The following USH2A variants were observed in gnomAD, a reference collection of about 807,000 sequenced individuals.
USH2A encodes the protein Usher syndrome 2A (autosomal recessive, mild).
A neutral mutation model predicts 538.9 loss-of-function variants in USH2A; 443 were observed. The ratio of observed to expected loss-of-function variants is 0.82; its 90% confidence interval spans 0.76 to 0.89. USH2A has a LOEUF of 0.89. USH2A is among the 40% of genes least tolerant of loss of function. The probability of loss-of-function intolerance (pLI) is 0.00; values close to 1 mark genes in which losing one functional copy is unlikely to be tolerated. For missense variants in USH2A, 6,633 were observed against 6,324.8 expected, an observed-to-expected ratio of 1.05 and a Z score of -1.65; for synonymous variants, 2,413 against 2,273.5, an observed-to-expected ratio of 1.06 and a Z score of -1.75.
chr1:215,865,941 G>A (rs1168211599), intron 44 of USH2A, among the ~76,000 whole-genome samples: 1 of 152,144 alleles, frequency 6.6e-6, no homozygotes, highest in African/African-American at 2.4e-5. Context: ...CTCTTCTTAA[G>A]CTGTAACCAA....
At chr1:215,885,282 A>G (rs966232839) in intron 41 of USH2A, among the ~76,000 whole-genome samples, 3 of 151,918 alleles carry the variant, frequency 2.0e-5, no homozygotes, top group African/African-American at 7.3e-5. Context: ...ACATATGTTG[A>G]TAGATTTTTT....
chr1:216,369,876 T>C (rs2038668623), intron 3 of USH2A, among the ~76,000 whole-genome samples: 1 of 141,846 alleles, frequency 7.0e-6, no homozygotes, highest in Non-Finnish European at 1.5e-5. Context: ...TGAGCCAAGA[T>C]GGCGCCATTG....
Position 215,838,007 on chromosome 1 carries a change from GAA to G in USH2A, c.9353_9354del (p.Ile3118ThrfsTer11). 2 of 1,613,810 alleles carry G rather than the reference GAA, an allele frequency of 1.2e-6. No homozygotes were observed. The highest frequency in any genetic ancestry group is 1.7e-6 in the Non-Finnish European group (2 of 1,179,756). On this transcript the variant is annotated frameshift_variant, in exon 47 of 72. Coordinates refer to ENST00000307340, the MANE Select transcript of USH2A (RefSeq NM_206933.4). LOFTEE classifies it high-confidence loss of function. ...DTPSDIPTPT[I>X]RGITSRSLQI... ...ATTTTGTACCTTGAAGTGATGCCAC[GAA>G]TTGTGGGTGTTGGTATATCACTTGG...
intron 3 of USH2A, among the ~76,000 whole-genome samples, chr1:216,372,653 A>G (rs2038735954): frequency 6.6e-6 from 1 of 151,946 alleles, no homozygotes. Flanking sequence ...TCTTCTCTCT[A>G]CTGCCAAAAA....
chr1:216,237,551 A>G (rs1287350917), intron 13 of USH2A, among the ~76,000 whole-genome samples: 1 of 151,884 alleles, frequency 6.6e-6, no homozygotes, highest in East Asian at 1.9e-4. Context: ...TTCAGAGTAT[A>G]CATTCTGGAG....
At chr1:215,763,441 G>A (rs1661037306) in intron 56 of USH2A, among the ~76,000 whole-genome samples, 1 of 152,102 alleles carries the variant, frequency 6.6e-6, no homozygotes, top group Non-Finnish European at 1.5e-5. Context: ...CGTTAACTGA[G>A]TGAGGATGTA....
chr1:215,809,975 GC>G (rs1662619976), intron 49 of USH2A, among the ~76,000 whole-genome samples: 1 of 152,126 alleles, frequency 6.6e-6, no homozygotes, highest in Non-Finnish European at 1.5e-5. Flanking sequence ...AGACCACGGG[GC>G]TGAGGACAGA....
chr1:216,384,540 G>C (rs1382702414), intron 3 of USH2A, among the ~76,000 whole-genome samples: 2 of 152,120 alleles, frequency 1.3e-5, no homozygotes, highest in African/African-American at 4.8e-5. Flanking sequence ...ATTTTCTGAA[G>C]ACAGTAGGTC....
Position 215,647,573 on chromosome 1 carries a change from C to T in USH2A, c.14740G>A (p.Glu4914Lys), listed in dbSNP as rs199829169. The T allele has an allele frequency of 2.5e-5, 40 of 1,614,148 alleles. No individual in the cohort carries two copies. The East Asian group carries it at 7.1e-4, about 29-fold the overall frequency. The stretch of plus-strand genomic sequence containing the variant: ...CACTCGGAAGCCGTACTGCCCACCT[C>T]GTTGTGTGCCACCACTCTCAGCTTG... The part of the protein sequence containing the change: ...TYKLRVVAHN[E>K]VGSTASEWIS... Residue 4914 changes from glutamate to lysine, a missense_variant, in exon 67 of 72, where the codon GAG becomes AAG. By Grantham distance (56) the Glu-to-Lys change is moderately conservative. Coordinates refer to ENST00000307340, the MANE Select transcript of USH2A (RefSeq NM_206933.4).
intron 11 of USH2A, among the ~76,000 whole-genome samples, chr1:216,252,435 A>G (rs1006712849): frequency 1.3e-5 from 2 of 152,184 alleles, no homozygotes; most frequent in African/African-American, 4.8e-5. Context: ...TTTGATTTAT[A>G]TTTAATTTCA....
intron 3 of USH2A, among the ~76,000 whole-genome samples, chr1:216,386,158 A>G (rs902740829): frequency 6.6e-6 from 1 of 152,212 alleles, no homozygotes; most frequent in East Asian, 1.9e-4. Context: ...AAATTGCACA[A>G]CAATTATGAA....
chr1:216,381,520 GA>G (rs1459220259), intron 3 of USH2A, among the ~76,000 whole-genome samples: 1 of 152,080 alleles, frequency 6.6e-6, no homozygotes, highest in East Asian at 1.9e-4. Flanking sequence ...ATACTAGGGG[GA>G]AAAGTGGAAA....
Position 215,674,874 on chromosome 1 carries a change from G to C in USH2A, c.13037C>G (p.Pro4346Arg). 6.2e-7 allele frequency: 1 copy of C among 1,614,174 alleles called. No homozygotes were observed. The highest frequency in any genetic ancestry group is 8.5e-7 in the Non-Finnish European group (1 of 1,180,040). ...AGCCTCCAGAGTTGTGATGCTGGTG[G>C]GTTTGCTGGTGGAGCATCCTCCACT... Reference protein sequence around the residue: ...CTSGGCSTSKPTSITTLEAAP... With the variant: ...CTSGGCSTSKRTSITTLEAAP... Residue 4346 changes from proline to arginine, a missense_variant, in exon 63 of 72, where the codon CCC becomes CGC. Transcript: ENST00000307340.
intron 11 of USH2A, among the ~76,000 whole-genome samples, chr1:216,270,564 A>G (rs972251885): frequency 4.6e-5 from 7 of 152,112 alleles, no homozygotes; most frequent in African/African-American, 1.7e-4. Flanking sequence ...GTCATACTAC[A>G]CTAGCAACAC....
chr1:216,073,276 A>G lies in USH2A; in HGVS notation c.5597T>C (p.Val1866Ala), dbSNP rs773149829. ...EQGFGGCMKD[V>A]KFTRGAVVNL... The stretch of plus-strand genomic sequence containing the variant: ...AACGACAGCACCCCGTGTAAATTTA[A>G]CATCCTTCATGCAACCACCGAAACC... Residue 1866 changes from valine (V) to alanine (A), a missense_variant, in exon 28 of 72, where the codon GTT becomes GCT. Val to Ala is a moderately conservative substitution (Grantham distance 64). Transcript: ENST00000307340. 2 of 1,613,644 alleles carry G rather than the reference A, an allele frequency of 1.2e-6. No homozygotes were observed. The highest frequency in any genetic ancestry group is 2.2e-5 in the East Asian group (1 of 44,824).
intron 35 of USH2A, among the ~76,000 whole-genome samples, chr1:215,973,497 T>C (rs1041506708): frequency 1.3e-5 from 2 of 152,106 alleles, no homozygotes. Context: ...TCTCTAATTC[T>C]ATAATGCTTC....
intron 61 of USH2A, among the ~76,000 whole-genome samples, chr1:215,687,824 T>C (rs1210699187): frequency 6.6e-6 from 1 of 152,142 alleles, no homozygotes; most frequent in African/African-American, 2.4e-5. Flanking sequence ...AAGCCTTGAT[T>C]AAACACACAT....
At chr1:216,110,320 G>A (rs1346928233) in intron 21 of USH2A, among the ~76,000 whole-genome samples, 3 of 152,088 alleles carry the variant, frequency 2.0e-5, no homozygotes, top group Non-Finnish European at 4.4e-5. Context: ...TAGTGACATA[G>A]TGAGACCCTG....
rs762304782 is a variant in USH2A at position 215,741,404 on chromosome 1, A to T, written c.11682T>A (p.Asn3894Lys). Reference protein sequence around the residue: ...EIKWMPPEKPNGIIINYFIYR... With the variant: ...EIKWMPPEKPKGIIINYFIYR... The stretch of plus-strand genomic sequence containing the variant: ...AAATAAAGTAGTTGATGATGATTCC[A>T]TTTGGTTTTTCAGGTGGCATCCACT... Residue 3894 changes from asparagine to lysine, a missense_variant, in exon 60 of 72, where the codon AAT becomes AAA. Coordinates refer to ENST00000307340, the MANE Select transcript of USH2A (RefSeq NM_206933.4). The T allele has an allele frequency of 6.2e-7, 1 of 1,613,970 alleles. No homozygotes were observed. Among genetic ancestry groups the T allele is most frequent in the African/African-American group, 1.3e-5 (1 of 74,902 alleles).
Sources: gnomAD v4.1 joint callset for allele counts (sites outside exome capture counted in the v4.1 genomes callset) on GRCh38, gnomAD v4.1.1 for gene constraint, MANE v1.5 for transcripts, NCBI Gene and HGNC (gene_info 2026-07-23, HGNC 2026-07-21) for gene names.